CNTNAP2: variants seen among roughly 807,000 people sequenced by gnomAD.
CNTNAP2 encodes contactin associated protein 2.
Under a neutral mutation model 155.2 loss-of-function variants are expected in CNTNAP2, and 98 were observed. The observed-to-expected ratio is 0.63, with a 90% CI of 0.54 to 0.75. CNTNAP2 has a LOEUF of 0.75. Ranked by LOEUF, CNTNAP2 falls within the 30% of genes least tolerant of loss-of-function variation. The pLI is 0.00. For synonymous variants in CNTNAP2, 651 were observed against 631.2 expected, an observed-to-expected ratio of 1.03 and a Z score of -0.47; for missense variants, 1,727 against 1,688.1, an observed-to-expected ratio of 1.02 and a Z score of -0.40.
At chr7:146,250,802 G>A (rs534431182) in intron 1 of CNTNAP2, among the ~76,000 whole-genome samples, 4 of 152,200 alleles carry the variant, frequency 2.6e-5, no homozygotes, top group East Asian at 3.9e-4. Context: ...TCTAAAATTA[G>A]GAGTCATTGT....
intron 1 of CNTNAP2, among the ~76,000 whole-genome samples, chr7:146,581,836 G>A (rs780176672): frequency 7.2e-5 from 11 of 152,028 alleles, no homozygotes; most frequent in Non-Finnish European, 1.5e-4. Flanking sequence ...AATAATAGTA[G>A]CATTGTCTAA....
At chr7:146,585,315 T>C (rs554695689) in intron 1 of CNTNAP2, among the ~76,000 whole-genome samples, 1 of 152,002 alleles carries the variant, frequency 6.6e-6, no homozygotes, top group African/African-American at 2.4e-5. Flanking sequence ...AGAGACCAGG[T>C]TTCACCATGT....
At position 147,179,080 on chromosome 7, in the gene CNTNAP2, C is replaced by G. The variant is rs574754096; in HGVS notation, c.1348+46571C>G. On this transcript the variant is annotated intron_variant, in intron 8 of 23. Coordinates refer to ENST00000361727, the MANE Select transcript of CNTNAP2 (RefSeq NM_014141.6). ...ATCTAACCTTTCTGAGACTCCATAT[C>G]CTTACTTTTTAACTAAGCATACTCT... Among the ~76,000 whole-genome samples the G allele has an allele frequency of 2.9e-4, 44 of 152,208 alleles. 1 individual carries two copies. The South Asian group carries it at 6.6e-3, about 23-fold the overall frequency.
rs184911798 is a variant in CNTNAP2 at position 147,388,815 on chromosome 7, C to T, written c.1499-6794C>T. Among the ~76,000 whole-genome samples the T allele has an allele frequency of 5.5e-3, 837 of 152,260 alleles. 11 individuals are homozygous for T. Among genetic ancestry groups the T allele is most frequent in the African/African-American group, 0.019 (805 of 41,550 alleles). On this transcript the variant is annotated intron_variant, in intron 9 of 23. Transcript: ENST00000361727. Reference sequence around the variant, plus strand: ...GAAGCTGGTCTCAAACTCCTAACTTCGTGATCTGCCCACCTCAGCATCCCA... The same window carrying T: ...GAAGCTGGTCTCAAACTCCTAACTTTGTGATCTGCCCACCTCAGCATCCCA...
At chr7:148,413,401 A>AAAAATAAATATAT (rs1442990213) in intron 23 of CNTNAP2, among the ~76,000 whole-genome samples, 1 of 45,366 alleles carries the variant, frequency 2.2e-5, no homozygotes, top group African/African-American at 1.3e-4. Context: ...TCAAAAAAAA[A>AAAAATAAATATAT]ATATATATAT....
chr7:147,079,860 G>A (rs1363445816), intron 4 of CNTNAP2, among the ~76,000 whole-genome samples: 4 of 152,006 alleles, frequency 2.6e-5, no homozygotes, highest in Admixed American at 1.3e-4. Context: ...TCTGTAAGCC[G>A]CGAGACTTAC....
At chr7:146,413,943 A>G (rs1795902183) in intron 1 of CNTNAP2, among the ~76,000 whole-genome samples, 1 of 152,148 alleles carries the variant, frequency 6.6e-6, no homozygotes, top group African/African-American at 2.4e-5. Flanking sequence ...TAACGACCTT[A>G]TAGACCAGGT....
intron 1 of CNTNAP2, among the ~76,000 whole-genome samples, chr7:146,150,237 C>A (rs1486807566): frequency 2.0e-5 from 3 of 151,944 alleles, no homozygotes; most frequent in Admixed American, 6.6e-5. Context: ...GCTAAAATTA[C>A]AAAAGATTAA....
At chr7:147,024,517 A>G (rs1399385676) in intron 3 of CNTNAP2, among the ~76,000 whole-genome samples, 1 of 152,230 alleles carries the variant, frequency 6.6e-6, no homozygotes, top group Non-Finnish European at 1.5e-5. Context: ...TTGTAAAGAA[A>G]TATTGAGACT....
At chr7:146,170,880 A>T (rs1272853644) in intron 1 of CNTNAP2, among the ~76,000 whole-genome samples, 2 of 152,118 alleles carry the variant, frequency 1.3e-5, no homozygotes, top group Admixed American at 6.5e-5. Flanking sequence ...ACAAAAAATT[A>T]GCCAGACATA....
At chr7:147,940,830 T>C (rs1194286839) in intron 14 of CNTNAP2, among the ~76,000 whole-genome samples, 1 of 152,210 alleles carries the variant, frequency 6.6e-6, no homozygotes, top group African/African-American at 2.4e-5. Context: ...TAAGCCATCA[T>C]AACCGGTCCA....
In CNTNAP2 at chr7:147,760,290, G is replaced by A. The variant is rs73742361; in HGVS notation, c.2098+120984G>A. On this transcript the variant is annotated intron_variant, in intron 13 of 23. Transcript: ENST00000361727. ...AGAACTTCCAAAGAGTTTTCCCCTCGTCTTTGTGACTGGTTGCTTTTACTA... is the reference window on the plus strand; with the variant it reads ...AGAACTTCCAAAGAGTTTTCCCCTCATCTTTGTGACTGGTTGCTTTTACTA... Among the ~76,000 whole-genome samples the A allele has an allele frequency of 5.9e-3, 893 of 150,630 alleles. 18 individuals are homozygous for A. Among genetic ancestry groups the A allele is most frequent in the African/African-American group, 0.02 (834 of 41,072 alleles).
chr7:147,277,180 A>G (rs1329521790), intron 8 of CNTNAP2, among the ~76,000 whole-genome samples: 22 of 152,028 alleles, frequency 1.4e-4, no homozygotes, highest in East Asian at 1.9e-4. Flanking sequence ...TTCACTAACT[A>G]TGGCTATGTA....
chr7:147,445,128 G>A (rs1246611326), intron 10 of CNTNAP2, among the ~76,000 whole-genome samples: 1 of 152,126 alleles, frequency 6.6e-6, no homozygotes, highest in Non-Finnish European at 1.5e-5. Flanking sequence ...AATTCAACAT[G>A]AGATTTGGGC....
intron 1 of CNTNAP2, among the ~76,000 whole-genome samples, chr7:146,474,046 A>G (rs1796837817): frequency 6.6e-6 from 1 of 151,778 alleles, no homozygotes; most frequent in Admixed American, 6.6e-5. Flanking sequence ...AACCCTCTCT[A>G]CTCTCTAAAG....
At chr7:146,876,612 C>T (rs1441247206) in intron 3 of CNTNAP2, among the ~76,000 whole-genome samples, 2 of 152,210 alleles carry the variant, frequency 1.3e-5, no homozygotes, top group East Asian at 1.9e-4. Context: ...ATTTATTAAA[C>T]CCTTACATTT....
intron 1 of CNTNAP2, among the ~76,000 whole-genome samples, chr7:146,214,962 G>A (rs1284418574): frequency 2.6e-5 from 4 of 152,034 alleles, no homozygotes; most frequent in Admixed American, 6.6e-5. Flanking sequence ...CAATCCTTCC[G>A]AACATACCCT....
At chr7:148,139,749 C>T (rs1312839099) in intron 16 of CNTNAP2, among the ~76,000 whole-genome samples, 1 of 152,058 alleles carries the variant, frequency 6.6e-6, no homozygotes, top group African/African-American at 2.4e-5. Context: ...CTATGTTGGC[C>T]AGGCTGGTCT....
intron 16 of CNTNAP2, among the ~76,000 whole-genome samples, chr7:148,146,264 C>T (rs1805174965): frequency 6.6e-6 from 1 of 152,160 alleles, no homozygotes; most frequent in South Asian, 2.1e-4. Flanking sequence ...CAAAGTTAGG[C>T]ACTGGTGTGC....
Sources: allele counts gnomAD v4.1 joint callset (sites outside exome capture counted in the v4.1 genomes callset), GRCh38; gene constraint gnomAD v4.1.1; transcripts MANE v1.5; gene names NCBI Gene and HGNC (gene_info 2026-07-23, HGNC 2026-07-21).